Variants in SV2C observed in about 807,000 individuals in gnomAD.
SV2C encodes synaptic vesicle glycoprotein 2C, also known as solute carrier family 22 member B3.
Under a neutral mutation model 79.7 loss-of-function variants are expected in SV2C, and 49 were observed. That is an observed-to-expected ratio of 0.61 (90% CI 0.49 to 0.78). SV2C has a LOEUF of 0.78. SV2C is among the 30% of genes least tolerant of loss of function. The pLI, the probability that SV2C is intolerant of heterozygous loss-of-function variation, is 0.00. For missense variants in SV2C, 833 were observed against 912.9 expected (o/e 0.91, Z 1.13); for synonymous variants, 334 against 333.2 (o/e 1.00, Z -0.03).
chr5:76,246,890 G>C (rs963537831), intron 4 of SV2C, among the ~76,000 whole-genome samples: 9 of 152,216 alleles, frequency 5.9e-5, no homozygotes, highest in African/African-American at 2.2e-4. Context: ...AAAGTGAAAA[G>C]AATCTGGGGC....
the SV2C span, among the ~76,000 whole-genome samples, chr5:76,040,322 G>T: frequency 7.9e-3 from 1,201 of 152,274 alleles, 22 homozygotes; most frequent in African/African-American, 0.028. Flanking sequence ...AAAGTCATCT[G>T]CTATCTGTTT....
chr5:76,093,880 G>A (rs1364232485), intron 1 of SV2C, among the ~76,000 whole-genome samples: 3 of 152,082 alleles, frequency 2.0e-5, no homozygotes, highest in Non-Finnish European at 4.4e-5. Context: ...CAGTTTTAAG[G>A]AACTTCCCAT....
intron 1 of SV2C, among the ~76,000 whole-genome samples, chr5:76,117,748 T>G (rs1159558286): frequency 1.3e-5 from 2 of 152,078 alleles, no homozygotes; most frequent in Non-Finnish European, 1.5e-5. Flanking sequence ...ACAAAAAAGT[T>G]CCAGAACTAA....
the SV2C span, among the ~76,000 whole-genome samples, chr5:75,850,008 AT>A: frequency 2.0e-5 from 3 of 152,108 alleles, no homozygotes; most frequent in Non-Finnish European, 2.9e-5. Context: ...TGAAGTAAGA[AT>A]TTTGTATTTC....
At chr5:76,113,461 A>G (rs866838241) in intron 1 of SV2C, among the ~76,000 whole-genome samples, 14 of 152,218 alleles carry the variant, frequency 9.2e-5, no homozygotes, top group Admixed American at 1.3e-4. Context: ...TTGGCTATGA[A>G]GAATATGAGA....
the SV2C span, among the ~76,000 whole-genome samples, chr5:75,850,119 T>C: frequency 6.6e-6 from 1 of 152,312 alleles, no homozygotes; most frequent in Admixed American, 6.5e-5. Context: ...TTTAGGTATA[T>C]AAGGAATGTC....
chr5:76,336,062 ACCTCCCTCCCGG>A (rs1749315041), downstream of SV2C, among the ~76,000 whole-genome samples: 1 of 54,372 alleles, frequency 1.8e-5, no homozygotes, highest in African/African-American at 4.9e-5. Flanking sequence ...TGACCCCCCC[ACCTCCCTCCCGG>A]ACGGGGCGGC....
chr5:75,851,728 C>A, the SV2C span, among the ~76,000 whole-genome samples: 3 of 152,186 alleles, frequency 2.0e-5, no homozygotes, highest in East Asian at 1.9e-4. Flanking sequence ...GCAAGCTCCC[C>A]CTCCCGGGTT....
the SV2C span, among the ~76,000 whole-genome samples, chr5:75,850,947 G>A: frequency 1.3e-5 from 2 of 152,248 alleles, no homozygotes; most frequent in South Asian, 2.1e-4. Context: ...GCACAGGAGG[G>A]CTACGTGTCC....
chr5:75,980,589 T>C, the SV2C span, among the ~76,000 whole-genome samples: 1 of 152,092 alleles, frequency 6.6e-6, no homozygotes, highest in East Asian at 1.9e-4. Context: ...TGATTCAACA[T>C]AAACAGAACT....
chr5:76,172,708 A>G (rs1437052604), intron 2 of SV2C, among the ~76,000 whole-genome samples: 114 of 86,902 alleles, frequency 1.3e-3, no homozygotes, highest in African/African-American at 5.5e-3. Flanking sequence ...ACTAAGAAAA[A>G]TTCCTCTGCC....
At chr5:75,851,845 A>G in the SV2C span, among the ~76,000 whole-genome samples, 1 of 152,280 alleles carries the variant, frequency 6.6e-6, no homozygotes, top group South Asian at 2.1e-4. Flanking sequence ...TTGTATTTTT[A>G]GTAGAGACAG....
intron 4 of SV2C, among the ~76,000 whole-genome samples, chr5:76,222,051 C>G (rs1176486281): frequency 1.3e-5 from 2 of 152,052 alleles, no homozygotes; most frequent in African/African-American, 4.8e-5. Context: ...TACAGAGAAA[C>G]AGCATCTCTC....
intron 2 of SV2C, among the ~76,000 whole-genome samples, chr5:76,186,644 G>T (rs960081557): frequency 5.9e-5 from 9 of 151,922 alleles, no homozygotes; most frequent in Admixed American, 1.3e-4. Flanking sequence ...GTGAGCCAAG[G>T]TTACACCACT....
At chr5:76,353,634 C>T (rs891205237) in exon 13 of SV2C, 3 of 152,342 alleles carry the variant, frequency 2.0e-5, no homozygotes, top group Admixed American at 1.3e-4. Context: ...GTATAGTTAA[C>T]CTTGCAACTC....
At chr5:76,127,292 T>G (rs910369377) in intron 1 of SV2C, among the ~76,000 whole-genome samples, 3 of 152,180 alleles carry the variant, frequency 2.0e-5, no homozygotes, top group African/African-American at 7.2e-5. Context: ...GTAGTGGTAT[T>G]GGATATGTGT....
the SV2C span, among the ~76,000 whole-genome samples, chr5:75,898,273 C>G: frequency 6.6e-6 from 1 of 152,136 alleles, no homozygotes; most frequent in Non-Finnish European, 1.5e-5. Flanking sequence ...GAGCTTTTAG[C>G]ATGAAGATTG....
chr5:76,190,521 G>T (rs1561256930), intron 2 of SV2C, among the ~76,000 whole-genome samples: 1 of 152,190 alleles, frequency 6.6e-6, no homozygotes, highest in African/African-American at 2.4e-5. Context: ...ATCAGATATT[G>T]AAGACAACCA....
the SV2C span, among the ~76,000 whole-genome samples, chr5:75,871,537 C>G: frequency 0.012 from 1,867 of 152,174 alleles, 55 homozygotes; most frequent in African/African-American, 0.043. Context: ...AGGCCAGGTG[C>G]AGTGGCTCAT....
Sources: allele counts gnomAD v4.1 joint callset (sites outside exome capture counted in the v4.1 genomes callset), GRCh38; gene constraint gnomAD v4.1.1; transcripts MANE v1.5; gene names NCBI Gene and HGNC (gene_info 2026-07-23, HGNC 2026-07-21).